The following DTNB variants were observed in gnomAD, a reference collection of about 807,000 sequenced individuals.
The protein encoded by DTNB is dystrobrevin beta, also known as DTN-B.
DTNB carries 63 observed loss-of-function variants against 90.7 expected under a neutral mutation model. That is an observed-to-expected ratio of 0.69 (90% CI 0.57 to 0.86). The LOEUF is 0.86. DTNB is among the 40% of genes least tolerant of loss of function. The pLI is 0.00. For missense variants in DTNB, 744 were observed against 807.1 expected (o/e 0.92, Z 0.95); for synonymous variants, 277 against 286.7 (o/e 0.97, Z 0.34).
At chr2:25,639,900 T>A (rs1322122817) in intron 2 of DTNB, among the ~76,000 whole-genome samples, 1 of 152,136 alleles carries the variant, frequency 6.6e-6, no homozygotes. Flanking sequence ...AGTGAGAAGA[T>A]CGTACGAAGA....
intron 9 of DTNB, among the ~76,000 whole-genome samples, chr2:25,507,620 C>A (rs1256773057): frequency 6.6e-6 from 1 of 152,176 alleles, no homozygotes; most frequent in Non-Finnish European, 1.5e-5. Context: ...CTCGTCCACC[C>A]AAGTCTTCCT....
chr2:25,417,889 G>A (rs570799203), intron 16 of DTNB, among the ~76,000 whole-genome samples: 15 of 152,092 alleles, frequency 9.9e-5, no homozygotes, highest in Non-Finnish European at 2.1e-4. Context: ...CTGCTTCTCT[G>A]GGACTTCTAG....
chr2:25,634,005 C>T (rs1159469432), intron 3 of DTNB, among the ~76,000 whole-genome samples: 4 of 151,548 alleles, frequency 2.6e-5, no homozygotes, highest in Non-Finnish European at 5.9e-5. Flanking sequence ...GTGAGGAGCC[C>T]CTCCGCCCGG....
chr2:25,582,778 G>A (rs1281942242), intron 6 of DTNB, among the ~76,000 whole-genome samples: 1 of 152,168 alleles, frequency 6.6e-6, no homozygotes, highest in African/African-American at 2.4e-5. Flanking sequence ...GTTACCCTAA[G>A]TGTTTTCCAT....
intron 9 of DTNB, among the ~76,000 whole-genome samples, chr2:25,514,786 C>T (rs561610676): frequency 5.4e-5 from 8 of 147,738 alleles, no homozygotes; most frequent in Admixed American, 4.2e-4. Context: ...CGAATTCAAG[C>T]GATTCTTGTG....
intron 16 of DTNB, among the ~76,000 whole-genome samples, chr2:25,396,731 T>TAAAAAA (rs35592591): frequency 1.1e-5 from 1 of 87,628 alleles, no homozygotes; most frequent in East Asian, 3.7e-4. Flanking sequence ...TAAAAGGAAC[T>TAAAAAA]AAAAAAAAAA....
chr2:25,650,642 A>T (rs552784894), intron 2 of DTNB, among the ~76,000 whole-genome samples: 1 of 152,314 alleles, frequency 6.6e-6, no homozygotes, highest in South Asian at 2.1e-4. Flanking sequence ...ATGAGAAGCA[A>T]GTAAAGGAAT....
At chr2:25,434,902 TTAC>T (rs1395004751) in intron 12 of DTNB, among the ~76,000 whole-genome samples, 5 of 152,214 alleles carry the variant, frequency 3.3e-5, no homozygotes, top group African/African-American at 7.2e-5. Context: ...TTTTATTTAC[TTAC>T]TACTTTTTTC....
At chr2:25,497,702 G>A (rs2069278639) in intron 9 of DTNB, 1 of 152,198 alleles carries the variant, frequency 6.6e-6, no homozygotes, top group Non-Finnish European at 1.5e-5. Context: ...GGATGTCTCT[G>A]ACAGGGTAGT....
chr2:25,631,142 G>A (rs894507205), intron 3 of DTNB, among the ~76,000 whole-genome samples: 3 of 152,100 alleles, frequency 2.0e-5, no homozygotes, highest in Non-Finnish European at 4.4e-5. Context: ...ATGGTTGTAC[G>A]ACTTTGTGGA....
At chr2:25,517,552 A>T (rs143609662) in intron 9 of DTNB, among the ~76,000 whole-genome samples, 1 of 152,356 alleles carries the variant, frequency 6.6e-6, no homozygotes, top group Non-Finnish European at 1.5e-5. Flanking sequence ...AGGATGTGCA[A>T]AGTTGGAACT....
chr2:25,638,483 C>G (rs1248415734), intron 3 of DTNB, among the ~76,000 whole-genome samples: 1 of 152,120 alleles, frequency 6.6e-6, no homozygotes, highest in African/African-American at 2.4e-5. Flanking sequence ...AATTCTGTCA[C>G]GAGCTAGTTC....
At chr2:25,491,148 CACACACACAG>C (rs752526608) in intron 9 of DTNB, among the ~76,000 whole-genome samples, 1 of 30,976 alleles carries the variant, frequency 3.2e-5, no homozygotes, top group African/African-American at 9.0e-5. Flanking sequence ...CACACACACA[CACACACACAG>C]ACACACACAC....
rs771271798 is a variant in DTNB at position 25,387,416 on chromosome 2, G to A, written c.1736-38C>T. Reference sequence around the variant, plus strand: ...AGAGCAGATGGGGATGCCAGGGTGGGTGAGCGTGGAGAAGAGACGGCTGAG... The same window carrying A: ...AGAGCAGATGGGGATGCCAGGGTGGATGAGCGTGGAGAAGAGACGGCTGAG... On this transcript the variant is annotated intron_variant, in intron 17 of 20. Coordinates refer to ENST00000406818, the MANE Select transcript of DTNB (RefSeq NM_021907.5). The surrounding 1 kb of genome is among the most constrained non-coding windows in gnomAD (Gnocchi z 4.5). The A allele has an allele frequency of 1.9e-6, 3 of 1,595,958 alleles. No individual in the cohort carries two copies. Among genetic ancestry groups the A allele is most frequent in the African/African-American group, 1.3e-5 (1 of 74,578 alleles).
intron 15 of DTNB, among the ~76,000 whole-genome samples, chr2:25,422,147 C>G (rs943533962): frequency 6.6e-6 from 1 of 152,018 alleles, no homozygotes. Context: ...GGGATAGAGC[C>G]AACGTGATTT....
intron 8 of DTNB, among the ~76,000 whole-genome samples, chr2:25,576,221 G>GTTTTTTTTTT (rs57969480): frequency 2.1e-5 from 2 of 97,548 alleles, no homozygotes; most frequent in Non-Finnish European, 4.4e-5. Flanking sequence ...GAACAGTTTT[G>GTTTTTTTTTT]TTTTTTTTTT....
intron 8 of DTNB, among the ~76,000 whole-genome samples, chr2:25,538,090 A>T (rs2080246226): frequency 6.6e-6 from 1 of 152,158 alleles, no homozygotes; most frequent in African/African-American, 2.4e-5. Context: ...TTATATTTTT[A>T]AAATATATCA....
At chr2:25,510,014 G>A (rs1006512081) in intron 9 of DTNB, among the ~76,000 whole-genome samples, 1 of 152,014 alleles carries the variant, frequency 6.6e-6, no homozygotes, top group South Asian at 2.1e-4. Flanking sequence ...ACCTCTCAAA[G>A]TGCTGGGATT....
intron 2 of DTNB, among the ~76,000 whole-genome samples, chr2:25,645,514 A>G (rs539148816): frequency 6.6e-6 from 1 of 152,292 alleles, no homozygotes; most frequent in East Asian, 1.9e-4. Context: ...ATCTCAGCTC[A>G]CTGTAACGTT....
Sources: allele counts gnomAD v4.1 joint callset (sites outside exome capture counted in the v4.1 genomes callset), GRCh38; gene constraint gnomAD v4.1.1; non-coding constraint Gnocchi (gnomAD v3.1); transcripts MANE v1.5; gene names NCBI Gene and HGNC (gene_info 2026-07-23, HGNC 2026-07-21).